Variants in NCAM1 observed in about 807,000 individuals in gnomAD.
The protein encoded by NCAM1 is neural cell adhesion molecule 1, also known as antigen recognized by monoclonal antibody 5.1H11.
NCAM1 carries 14 observed loss-of-function variants against 109.8 expected under a neutral mutation model. That is an observed-to-expected ratio of 0.13 (90% CI 0.08 to 0.20). The LOEUF (loss-of-function observed/expected upper bound fraction) is 0.20, where lower values mean the gene tolerates loss of function less well. Among genes scored for constraint, NCAM1 ranks in the 10% least tolerant of loss-of-function variants. The pLI, the probability that NCAM1 is intolerant of heterozygous loss-of-function variation, is 1.00. For synonymous variants in NCAM1, 418 were observed against 442.9 expected, an observed-to-expected ratio of 0.94 and a Z score of 0.70; for missense variants, 774 against 1,109.9, an observed-to-expected ratio of 0.70 and a Z score of 4.30.
At chr11:113,088,420 C>T (rs1939185361) in intron 1 of NCAM1, among the ~76,000 whole-genome samples, 1 of 152,196 alleles carries the variant, frequency 6.6e-6, no homozygotes, top group African/African-American at 2.4e-5. Context: ...ATCATTTACC[C>T]AGTAGGCTTT....
rs200929273 is a variant in NCAM1, at chr11:113,011,964, T to TTTCCTTCCTTCCTTCCTTCC, written c.52+50331_52+50350dup. 5.6e-3 allele frequency among the ~76,000 whole-genome samples: 642 copies of TTTCCTTCCTTCCTTCCTTCC among 114,042 alleles called. 11 individuals carry two copies. Among genetic ancestry groups the TTTCCTTCCTTCCTTCCTTCC allele is most frequent in the African/African-American group, 0.012 (343 of 28,328 alleles). The allele number at this position is 114,042 out of a possible 152,430, so 74.8% of individuals were successfully genotyped here. A position where few individuals can be genotyped will look rare whatever the true frequency, so the allele number is the denominator to read the frequency against. Reference sequence around the variant, plus strand: ...CTCCTTCTCTCCTCTCCTTCTCTCCTTTCCTTCCTTCCTTCCTTCCTTCCT... The same window carrying TTTCCTTCCTTCCTTCCTTCC: ...CTCCTTCTCTCCTCTCCTTCTCTCCTTTCCTTCCTTCCTTCCTTCCTTCCTTCCTTCCTTCCTTCCTTCCT... On this transcript the variant is annotated intron_variant, in intron 1 of 19. Transcript: ENST00000316851.
intron 7 of NCAM1, among the ~76,000 whole-genome samples, chr11:113,211,256 A>G (rs1276778815): frequency 1.3e-5 from 2 of 152,132 alleles, no homozygotes; most frequent in Non-Finnish European, 2.9e-5. Context: ...TGCAAGTGGG[A>G]GTAGAGTCTA....
chr11:113,020,747 G>A (rs1952356404), intron 1 of NCAM1, among the ~76,000 whole-genome samples: 1 of 151,964 alleles, frequency 6.6e-6, no homozygotes, highest in Admixed American at 6.6e-5. Context: ...GTGATGTTCT[G>A]CTGTTTATTA....
chr11:112,984,108 A>C (rs956287076), intron 1 of NCAM1, among the ~76,000 whole-genome samples: 2 of 151,744 alleles, frequency 1.3e-5, no homozygotes, highest in African/African-American at 4.8e-5. Context: ...GTTTCTATGT[A>C]TTTAGTTTTG....
At chr11:113,138,043 A>G (rs181279777) in intron 1 of NCAM1, among the ~76,000 whole-genome samples, 43 of 152,330 alleles carry the variant, frequency 2.8e-4, no homozygotes, top group Admixed American at 2.4e-3. Context: ...TTCTCATCTA[A>G]GAAAACAGCA....
Position 113,232,764 on chromosome 11 carries a change from C to T in NCAM1, c.1472C>T (p.Ala491Val). The T allele has an allele frequency of 6.2e-7, 1 of 1,613,978 alleles. No individual in the cohort carries two copies. Among genetic ancestry groups the T allele is most frequent in the Non-Finnish European group, 8.5e-7 (1 of 1,179,866 alleles). The change falls in exon 12 of 20, where the codon GCA (alanine) becomes GTA (valine). Residue 491 changes from alanine (A) to valine (V), a missense_variant. By Grantham distance (64) the Ala-to-Val change is moderately conservative (BLOSUM62 0). Around this residue, in one of 4 missense-constraint regions of NCAM1, gnomAD observed 523 missense variants for 784.2 expected, o/e 0.67. Coordinates refer to ENST00000316851, the MANE Select transcript of NCAM1 (RefSeq NM_181351.5). ...GATTTTGGGAACTACAACTGTACTG[C>T]AGTGAACCGCATTGGGCAGGAGTCC... Reference protein sequence around the residue: ...ENDFGNYNCTAVNRIGQESLE... With the variant: ...ENDFGNYNCTVVNRIGQESLE...
At chr11:112,961,716 C>T (rs1555063127) in intron 1 of NCAM1, 52 bp downstream of exon 1, 2 of 1,128,024 alleles carry the variant, frequency 1.8e-6, no homozygotes, top group East Asian at 5.1e-5. Flanking sequence ...TTACCCCTTC[C>T]TCCTACTCCT....
chr11:113,273,240 G>C lies in NCAM1; in HGVS notation c.2456+1364G>C. On this transcript the variant is annotated intron_variant, in intron 19 of 19. Transcript: ENST00000316851. The surrounding 1 kb of genome is among the most constrained non-coding windows in gnomAD (Gnocchi z 6.0). ...CGACACCCCGACCTCAACCCCTGCCGCTAGCAATTTGTCTTCTAGTGTCCT... is the reference window on the plus strand; with the variant it reads ...CGACACCCCGACCTCAACCCCTGCCCCTAGCAATTTGTCTTCTAGTGTCCT... 2.9e-6 allele frequency: 1 copy of C among 341,914 alleles called. No homozygotes were observed. Among genetic ancestry groups the C allele is most frequent in the Non-Finnish European group, 5.6e-6 (1 of 178,702 alleles). The allele number at this position is 341,914 out of a possible 1,614,324, so 21.2% of individuals were successfully genotyped here. A position where few individuals can be genotyped will look rare whatever the true frequency, so the allele number is the denominator to read the frequency against.
intron 9 of NCAM1, among the ~76,000 whole-genome samples, chr11:113,229,810 G>A (rs777770117): frequency 1.2e-4 from 19 of 152,114 alleles, no homozygotes; most frequent in Non-Finnish European, 2.2e-4. Flanking sequence ...GGAAACCATC[G>A]TTCTCAGCAA....
chr11:113,049,157 G>C (rs1400063973), intron 1 of NCAM1, among the ~76,000 whole-genome samples: 1 of 152,076 alleles, frequency 6.6e-6, no homozygotes, highest in African/African-American at 2.4e-5. Context: ...CTTGATAGAG[G>C]TGGTGATGGC....
chr11:113,072,737 T>TC (rs1282239964), intron 1 of NCAM1, among the ~76,000 whole-genome samples: 1 of 151,598 alleles, frequency 6.6e-6, no homozygotes, highest in Non-Finnish European at 1.5e-5. Context: ...AGTCATCTTT[T>TC]TTTTTTTTAA....
chr11:112,995,826 G>A (rs1951579237), intron 1 of NCAM1, among the ~76,000 whole-genome samples: 1 of 152,148 alleles, frequency 6.6e-6, no homozygotes, highest in Non-Finnish European at 1.5e-5. Flanking sequence ...AGCCTCAGTG[G>A]TAAAAATCTA....
intron 1 of NCAM1, among the ~76,000 whole-genome samples, chr11:113,073,865 C>G (rs1270398917): frequency 1.3e-5 from 2 of 152,176 alleles, no homozygotes; most frequent in Non-Finnish European, 2.9e-5. Flanking sequence ...AGAAGGAAAT[C>G]TGAAGCACTC....
chr11:113,263,778 AG>A (rs1946071970), intron 17 of NCAM1: 4 of 985,406 alleles, frequency 4.1e-6, no homozygotes, highest in Non-Finnish European at 4.8e-6. Context: ...TCTACAGGAC[AG>A]GTTGGAAGCA....
intron 1 of NCAM1, among the ~76,000 whole-genome samples, chr11:113,046,220 C>T (rs1157414415): frequency 2.6e-5 from 4 of 152,192 alleles, no homozygotes. Context: ...TGGATCCAGT[C>T]TCAGAAGTTG....
chr11:113,031,115 A>G (rs1307495191), intron 1 of NCAM1, among the ~76,000 whole-genome samples: 2 of 152,302 alleles, frequency 1.3e-5, no homozygotes, highest in East Asian at 3.9e-4. Context: ...ATTTTTGTCA[A>G]TGGATCAACA....
intron 1 of NCAM1, among the ~76,000 whole-genome samples, chr11:113,111,654 G>T (rs1281527705): frequency 6.6e-6 from 1 of 152,164 alleles, no homozygotes; most frequent in Non-Finnish European, 1.5e-5. Flanking sequence ...TTTACTGTAT[G>T]TAAATTATTC....
At chr11:113,053,269 T>C (rs767034178) in intron 1 of NCAM1, among the ~76,000 whole-genome samples, 43 of 152,382 alleles carry the variant, frequency 2.8e-4, no homozygotes, top group Non-Finnish European at 2.2e-4. Flanking sequence ...TAGTATTCCA[T>C]GGTGTATATG....
intron 1 of NCAM1, among the ~76,000 whole-genome samples, chr11:112,964,155 G>GTTTT (rs59178181): frequency 5.6e-5 from 6 of 107,462 alleles, no homozygotes; most frequent in Non-Finnish European, 8.7e-5. Context: ...TTTTTTTTTT[G>GTTTT]TTTTTTTTTT....
Sources: allele counts gnomAD v4.1 joint callset (sites outside exome capture counted in the v4.1 genomes callset), GRCh38; gene constraint gnomAD v4.1.1; regional missense constraint gnomAD v4.1.1; non-coding constraint Gnocchi (gnomAD v3.1); transcripts MANE v1.5; gene names NCBI Gene and HGNC (gene_info 2026-07-23, HGNC 2026-07-21).